Variants in GSDMC observed in about 807,000 individuals in gnomAD.
GSDMC encodes the protein gasdermin-C.
A neutral mutation model predicts 58.0 loss-of-function variants in GSDMC; 59 were observed. That is an observed-to-expected ratio of 1.02 (90% confidence interval 0.82 to 1.26). GSDMC has a LOEUF of 1.26. Among genes scored for constraint, GSDMC ranks in the 50% most tolerant of loss-of-function variants. The pLI is 0.00. For synonymous variants in GSDMC, 241 were observed against 220.2 expected, an observed-to-expected ratio of 1.09 and a Z score of -0.83; for missense variants, 659 against 598.5, an observed-to-expected ratio of 1.10 and a Z score of -1.06.
chr8:129,730,172 G>T, the GSDMC span: 1 of 1,125,342 alleles, frequency 8.9e-7, no homozygotes, highest in East Asian at 2.5e-5. Flanking sequence ...CTATGAAAAA[G>T]TTATGTGTAA....
chr8:129,726,577 C>T, the GSDMC span, among the ~76,000 whole-genome samples: 2 of 152,146 alleles, frequency 1.3e-5, no homozygotes, highest in Non-Finnish European at 2.9e-5. Context: ...AAGATGTGAT[C>T]GGATATACGA....
chr8:129,724,687 AT>A, the GSDMC span, among the ~76,000 whole-genome samples: 1 of 152,110 alleles, frequency 6.6e-6, no homozygotes, highest in Non-Finnish European at 1.5e-5. Context: ...CTTCAAAAAA[AT>A]GATACTTTTT....
At chr8:129,715,989 C>G in the GSDMC span, among the ~76,000 whole-genome samples, 1 of 152,024 alleles carries the variant, frequency 6.6e-6, no homozygotes, top group Non-Finnish European at 1.5e-5. Flanking sequence ...GAACCTAAAG[C>G]AACTTCTAAA....
chr8:129,737,422 G>A, the GSDMC span, among the ~76,000 whole-genome samples: 1 of 152,156 alleles, frequency 6.6e-6, no homozygotes, highest in African/African-American at 2.4e-5. Context: ...AAAACAGCAT[G>A]GTACTGTTAC....
chr8:129,746,016 T>A (rs2032955260), downstream of GSDMC, among the ~76,000 whole-genome samples: 1 of 152,030 alleles, frequency 6.6e-6, no homozygotes, highest in Non-Finnish European at 1.5e-5. Flanking sequence ...TTTACCCTAT[T>A]GTCTTTGTGC....
At chr8:129,760,971 C>G (rs1438417824) in intron 5 of GSDMC, among the ~76,000 whole-genome samples, 1 of 152,120 alleles carries the variant, frequency 6.6e-6, no homozygotes, top group Non-Finnish European at 1.5e-5. Flanking sequence ...TGAAATTCAC[C>G]TAACACTAGA....
chr8:129,717,273 A>AGG, the GSDMC span, among the ~76,000 whole-genome samples: 2 of 46,816 alleles, frequency 4.3e-5, no homozygotes, highest in South Asian at 8.2e-4. Flanking sequence ...TTTTTTTTTT[A>AGG]TTGGTAGGCT....
At chr8:129,748,085 T>A (rs1392150480), downstream of GSDMC, 1 of 153,100 alleles carries the variant, frequency 6.5e-6, no homozygotes, top group African/African-American at 2.4e-5. Flanking sequence ...CACATTTACT[T>A]GGTCACTTAT....
At chr8:129,750,404 G>C in intron 11 of GSDMC, 27 bp downstream of exon 11, 1 of 1,605,402 alleles carries the variant, frequency 6.2e-7, no homozygotes, top group Non-Finnish European at 8.5e-7. Flanking sequence ...GCTTTTACCA[G>C]ACCTATGCAA....
chr8:129,738,718 C>T, the GSDMC span, among the ~76,000 whole-genome samples: 2 of 151,974 alleles, frequency 1.3e-5, no homozygotes, highest in African/African-American at 4.8e-5. Flanking sequence ...GACGAGTTAA[C>T]GGGTGCAGCA....
chr8:129,779,992 T>C (rs948393435), intron 1 of GSDMC, among the ~76,000 whole-genome samples: 1 of 152,152 alleles, frequency 6.6e-6, no homozygotes, highest in African/African-American at 2.4e-5. Context: ...TACAGAAGAA[T>C]GCATCAGCAT....
the GSDMC span, among the ~76,000 whole-genome samples, chr8:129,708,270 G>C: frequency 6.6e-6 from 1 of 152,162 alleles, no homozygotes; most frequent in Non-Finnish European, 1.5e-5. Flanking sequence ...GTTCCTGAAG[G>C]CTGACTGAGA....
At chr8:129,752,080 G>A (rs984340981) in intron 8 of GSDMC, 26 bp downstream of exon 8, 2 of 1,603,676 alleles carry the variant, frequency 1.2e-6, no homozygotes, top group Non-Finnish European at 1.7e-6. Flanking sequence ...GATTGTCCTG[G>A]AAGGGGAGGG....
rs1176031557 is a variant in GSDMC, at chr8:129,772,215, C to T, written c.404+3887G>A. Among the ~76,000 whole-genome samples, 6 of 144,134 alleles carry T rather than the reference C, an allele frequency of 4.2e-5. No homozygotes were observed. The East Asian group carries it at 6.2e-4, about 15-fold the overall frequency. 94.6% of individuals were successfully genotyped at this position (144,134 alleles called of 152,430 possible). ...GGCGGAGCATGCAGTGAGCGGAGAT[C>T]GCGCCACTGCACTCCAGCCTGGGCG... On this transcript the variant is annotated intron_variant, in intron 3 of 13. Transcript: ENST00000276708.
chr8:129,723,722 G>A, the GSDMC span, among the ~76,000 whole-genome samples: 1 of 152,108 alleles, frequency 6.6e-6, no homozygotes, highest in Non-Finnish European at 1.5e-5. Flanking sequence ...GAGACCCAGA[G>A]CACACTTGAA....
intron 1 of GSDMC, among the ~76,000 whole-genome samples, chr8:129,784,546 A>G (rs974632469): frequency 6.6e-6 from 1 of 152,234 alleles, no homozygotes; most frequent in Admixed American, 6.5e-5. Flanking sequence ...ACAATGAGAT[A>G]TCATCTCACC....
chr8:129,750,297 C>T lies in GSDMC; in HGVS notation c.1083+134G>A, dbSNP rs538494263. The T allele has an allele frequency of 2.8e-5, 31 of 1,088,532 alleles. No homozygotes were observed. The South Asian group carries it at 4.5e-4, about 16-fold the overall frequency. The allele number at this position is 1,088,532 out of a possible 1,614,324, so 67.4% of individuals were successfully genotyped here. On this transcript the variant is annotated intron_variant, in intron 11 of 13. Transcript: ENST00000276708. ...CTTCCCTGGCCCATTGTGCCCGGCA[C>T]CAGAGTCCCCAGTCTTTCTCATTCC...
At position 129,763,510 on chromosome 8, in the gene GSDMC, G is replaced by A. The variant is rs187618952; in HGVS notation, c.571-779C>T. On this transcript the variant is annotated intron_variant, in intron 4 of 13. Transcript: ENST00000276708. Reference sequence around the variant, plus strand: ...TGAAAGATTTTCCACATTGCATTATGTCTTTGTTCTCCCCTTCTGGAACTC... The same window carrying A: ...TGAAAGATTTTCCACATTGCATTATATCTTTGTTCTCCCCTTCTGGAACTC... 7.5e-3 allele frequency among the ~76,000 whole-genome samples: 1,145 copies of A among 152,206 alleles called. 8 individuals carry two copies. The highest frequency in any genetic ancestry group is 0.02 in the Middle Eastern group (6 of 294).
chr8:129,723,180 T>C, the GSDMC span, among the ~76,000 whole-genome samples: 1 of 152,336 alleles, frequency 6.6e-6, no homozygotes, highest in African/African-American at 2.4e-5. Context: ...CTTCTGACCT[T>C]GACACTCACC....
Sources: gnomAD v4.1 joint callset for allele counts (sites outside exome capture counted in the v4.1 genomes callset) on GRCh38, gnomAD v4.1.1 for gene constraint, MANE v1.5 for transcripts, NCBI Gene and HGNC (gene_info 2026-07-23, HGNC 2026-07-21) for gene names.